Variants in PRDM10 observed in about 807,000 individuals in gnomAD.
The protein encoded by PRDM10 is PR domain zinc finger protein 10.
A neutral mutation model predicts 133.1 loss-of-function variants in PRDM10; 65 were observed. The ratio of observed to expected loss-of-function variants is 0.49; its 90% CI spans 0.40 to 0.60. PRDM10 has a LOEUF of 0.60. PRDM10 is among the 20% of genes least tolerant of loss of function. The pLI is 0.00. For missense variants in PRDM10, 1,137 were observed against 1,507.1 expected, an observed-to-expected ratio of 0.75 and a Z score of 4.07; for synonymous variants, 582 against 580.4, an observed-to-expected ratio of 1.00 and a Z score of -0.04.
intron 20 of PRDM10, among the ~76,000 whole-genome samples, chr11:129,903,401 A>G (rs1238320754): frequency 1.3e-5 from 2 of 151,832 alleles, no homozygotes; most frequent in Non-Finnish European, 2.9e-5. Flanking sequence ...ACCATCAAAT[A>G]GACATTTTAA....
chr11:129,957,039 T>G (rs537355615), intron 3 of PRDM10, among the ~76,000 whole-genome samples: 1 of 152,340 alleles, frequency 6.6e-6, no homozygotes, highest in South Asian at 2.1e-4. Context: ...GCAGTAAACA[T>G]CTTTGCTTCT....
chr11:129,996,197 T>C (rs1302794287), intron 1 of PRDM10, among the ~76,000 whole-genome samples: 1 of 152,206 alleles, frequency 6.6e-6, no homozygotes, highest in Admixed American at 6.5e-5. Flanking sequence ...GCACTGAATG[T>C]TACTGTTATA....
intron 4 of PRDM10, among the ~76,000 whole-genome samples, chr11:129,949,862 A>G (rs1273423707): frequency 6.6e-6 from 1 of 152,036 alleles, no homozygotes; most frequent in Non-Finnish European, 1.5e-5. Context: ...TGAACCCAGG[A>G]GGCGGAGGTT....
At chr11:129,920,309 G>T (rs998158616) in intron 13 of PRDM10, among the ~76,000 whole-genome samples, 2 of 151,982 alleles carry the variant, frequency 1.3e-5, no homozygotes, top group Admixed American at 6.5e-5. Flanking sequence ...AACCAAATCC[G>T]CTATCTGCCC....
chr11:129,972,271 A>C (rs1186870444), intron 1 of PRDM10, among the ~76,000 whole-genome samples: 1 of 152,220 alleles, frequency 6.6e-6, no homozygotes, highest in African/African-American at 2.4e-5. Flanking sequence ...GGGCTCCCAC[A>C]GTGCAGCGGT....
chr11:129,957,018 TA>T (rs2135914143), intron 3 of PRDM10, among the ~76,000 whole-genome samples: 1 of 152,358 alleles, frequency 6.6e-6, no homozygotes, highest in African/African-American at 2.4e-5. Flanking sequence ...GCTATAATTG[TA>T]CGCCTTTTGG....
chr11:129,947,067 T>C lies in PRDM10; in HGVS notation c.520+78A>G, dbSNP rs1951438393. 1.9e-6 allele frequency: 3 copies of C among 1,556,292 alleles called. No individual in the cohort carries two copies. Among genetic ancestry groups the C allele is most frequent in the East Asian group, 2.3e-5 (1 of 44,402 alleles). On this transcript the variant is annotated intron_variant, in intron 5 of 20. Coordinates refer to ENST00000360871, the MANE Select transcript of PRDM10 (RefSeq NM_199437.2). This position sits in a 1 kb window ranked among gnomAD's most constrained non-coding sequence, Gnocchi z 4.6. Reference sequence around the variant, plus strand: ...GGAAGGACCTGACGCACGGGAGCTATGTTCACACACACGCACACGTACACA... The same window carrying C: ...GGAAGGACCTGACGCACGGGAGCTACGTTCACACACACGCACACGTACACA...
intron 4 of PRDM10, 110 bp downstream of exon 4, chr11:129,955,402 G>T: frequency 2.0e-6 from 2 of 1,008,678 alleles, no homozygotes; most frequent in South Asian, 1.7e-5. Flanking sequence ...AACATTCTTA[G>T]TACATGAGAA....
In PRDM10 at chr11:129,937,739, T is replaced by A. The variant is rs1951078280; in HGVS notation, c.967-69A>T. ...GATGTTCTTTGCATGCTTAAATTAT[T>A]TCTCCTGCTTACAGGAAACAATTCA... is the stretch of plus-strand genomic sequence containing the variant. On this transcript the variant is annotated intron_variant, in intron 7 of 20. Transcript: ENST00000360871. 3 of 1,382,502 alleles carry A rather than the reference T, an allele frequency of 2.2e-6. No individual in the cohort carries two copies. The South Asian group carries it at 3.7e-5, about 17-fold the overall frequency. The allele number at this position is 1,382,502 out of a possible 1,614,324, so 85.6% of individuals were successfully genotyped here. A position where few individuals can be genotyped will look rare whatever the true frequency, so the allele number is the denominator to read the frequency against.
intron 1 of PRDM10, among the ~76,000 whole-genome samples, chr11:129,973,683 A>G (rs4937474): frequency 0.22 from 33,251 of 152,124 alleles, 6,061 homozygotes; most frequent in East Asian, 0.56. Context: ...AGACATACCA[A>G]TTACCCCTCT....
chr11:129,908,000 T>TGG (rs77813855), intron 19 of PRDM10, among the ~76,000 whole-genome samples: 10,342 of 152,084 alleles, frequency 0.068, 788 homozygotes, highest in East Asian at 0.4. Context: ...ACTGGGAGGC[T>TGG]GGGGCAGGAG....
In PRDM10 at chr11:129,912,108, C is replaced by G. The variant is rs141397814; in HGVS notation, c.2959G>C (p.Ala987Pro). Residue 987 changes from alanine (A) to proline (P), a missense_variant, in exon 18 of 21, where the codon GCC (alanine) becomes CCC (proline). Ala to Pro is a conservative substitution (Grantham distance 27). Coordinates refer to ENST00000360871, the MANE Select transcript of PRDM10 (RefSeq NM_199437.2). The part of the protein sequence containing the change: ...VQHIQVSEPT[A>P]SAPSSAQVSG... ...ACCTGGGCGGAGGACGGGGCCGAGG[C>G]GGTAGGCTCGCTGACCTGGATGTGC... 72 of 1,610,816 alleles carry G rather than the reference C, an allele frequency of 4.5e-5. No homozygotes were observed. Among genetic ancestry groups the G allele is most frequent in the Non-Finnish European group, 5.9e-5 (70 of 1,178,546 alleles).
chr11:129,953,494 A>T (rs1951631428), intron 4 of PRDM10, among the ~76,000 whole-genome samples: 2 of 152,034 alleles, frequency 1.3e-5, no homozygotes, highest in Non-Finnish European at 2.9e-5. Context: ...GGGTTTCACC[A>T]TGTTGGCCAG....
chr11:129,947,329 C>A lies in PRDM10; in HGVS notation c.336G>T (p.Glu112Asp), dbSNP rs1363357986. ...PVHNQVLPSI[E>D]SVDGSDPLAT... ...CCAAAGGGTCGGACCCATCTACACTCTCGATGGAAGGCAGCACCTGGTTAT... is the reference window on the plus strand; with the variant it reads ...CCAAAGGGTCGGACCCATCTACACTATCGATGGAAGGCAGCACCTGGTTAT... The change falls in exon 5 of 21, where the codon GAG becomes GAT. Residue 112 changes from glutamate to aspartate, a missense_variant. By Grantham distance (45) the Glu-to-Asp change is conservative. This residue lies in a region of PRDM10 where 635 missense variants were observed against 835.2 expected (regional missense o/e 0.76). Coordinates refer to ENST00000360871, the MANE Select transcript of PRDM10 (RefSeq NM_199437.2). This position sits in a 1 kb window ranked among gnomAD's most constrained non-coding sequence, Gnocchi z 4.6. 2 of 1,614,088 alleles carry A rather than the reference C, an allele frequency of 1.2e-6. No individual in the cohort carries two copies. Among genetic ancestry groups the A allele is most frequent in the Non-Finnish European group, 1.7e-6 (2 of 1,180,050 alleles).
Position 129,944,941 on chromosome 11 carries a change from G to A in PRDM10, c.592C>T (p.Arg198Trp). 1.2e-6 allele frequency: 2 copies of A among 1,613,808 alleles called. No homozygotes were observed. Among genetic ancestry groups the A allele is most frequent in the Non-Finnish European group, 1.7e-6 (2 of 1,179,958 alleles). The change falls in exon 6 of 21, where the codon CGG becomes TGG. Residue 198 changes from arginine (R) to tryptophan (W), a missense_variant. Around this residue, in one of 6 missense-constraint regions of PRDM10, gnomAD observed 635 missense variants for 835.2 expected, o/e 0.76. Transcript: ENST00000360871. ...KHGPLHPIPNRPVLTRARASL... is the reference protein window; with the variant it reads ...KHGPLHPIPNWPVLTRARASL... ...GCCCTGGCCCGGGTGAGCACCGGCC[G>A]GTTGGGGATCGGGTGCAAGGGGCCG...
intron 8 of PRDM10, among the ~76,000 whole-genome samples, chr11:129,936,525 C>T (rs1201142831): frequency 5.3e-5 from 8 of 151,888 alleles, no homozygotes; most frequent in Admixed American, 3.9e-4. Flanking sequence ...TGGTGGAGGG[C>T]GCCTGTAGTC....
intron 1 of PRDM10, among the ~76,000 whole-genome samples, chr11:129,972,911 T>C (rs1397386989): frequency 1.3e-5 from 2 of 152,198 alleles, no homozygotes; most frequent in Non-Finnish European, 2.9e-5. Context: ...GATCTGGACA[T>C]AAAACTCGTC....
chr11:129,980,791 G>A (rs139854645), intron 1 of PRDM10, among the ~76,000 whole-genome samples: 347 of 148,934 alleles, frequency 2.3e-3, no homozygotes, highest in Non-Finnish European at 3.8e-3. Flanking sequence ...ACAGGAAGTA[G>A]ATTAGTGATT....
chr11:129,946,350 AT>A (rs1157384770), intron 5 of PRDM10, among the ~76,000 whole-genome samples: 6 of 152,162 alleles, frequency 3.9e-5, no homozygotes, highest in Non-Finnish European at 5.9e-5. Context: ...TTGAACTGGG[AT>A]TAGATGTGGA....
Sources: allele counts gnomAD v4.1 joint callset (sites outside exome capture counted in the v4.1 genomes callset), GRCh38; gene constraint gnomAD v4.1.1; regional missense constraint gnomAD v4.1.1; non-coding constraint Gnocchi (gnomAD v3.1); transcripts MANE v1.5; gene names NCBI Gene and HGNC (gene_info 2026-07-23, HGNC 2026-07-21).